RYR2: variants seen among roughly 807,000 people sequenced by gnomAD.
RYR2 encodes cardiac muscle ryanodine receptor-calcium release channel.
RYR2 carries 227 observed loss-of-function variants against 601.1 expected under a neutral mutation model. The ratio of observed to expected loss-of-function variants is 0.38; its 90% CI spans 0.34 to 0.42. The LOEUF (loss-of-function observed/expected upper bound fraction) is 0.42, where lower values mean the gene tolerates loss of function less well. Among genes scored for constraint, RYR2 ranks in the 10% least tolerant of loss-of-function variants. The probability of loss-of-function intolerance (pLI) is 1.00; values close to 1 mark genes in which losing one functional copy is unlikely to be tolerated. For missense variants in RYR2, 4,646 were observed against 6,156.5 expected (o/e 0.75, Z 8.21); for synonymous variants, 2,223 against 2,175.1 (o/e 1.02, Z -0.61).
chr1:237,098,078 C>T (rs561317029), intron 1 of RYR2, among the ~76,000 whole-genome samples: 34 of 152,052 alleles, frequency 2.2e-4, no homozygotes, highest in Admixed American at 5.9e-4. Context: ...ATTAATTTCC[C>T]GTAGGAATGG....
At chr1:237,750,676 AT>A (rs969590168) in intron 80 of RYR2, among the ~76,000 whole-genome samples, 3 of 151,748 alleles carry the variant, frequency 2.0e-5, no homozygotes, top group African/African-American at 7.3e-5. Context: ...ATTCAATAGC[AT>A]TTTTTTCCCC....
chr1:237,162,288 T>C (rs1277049063), intron 1 of RYR2, among the ~76,000 whole-genome samples: 3 of 152,140 alleles, frequency 2.0e-5, no homozygotes, highest in Non-Finnish European at 4.4e-5. Flanking sequence ...CTTTATACAG[T>C]ATGTGAATGT....
intron 71 of RYR2, among the ~76,000 whole-genome samples, chr1:237,716,506 A>G (rs1689278099): frequency 1.3e-5 from 2 of 152,162 alleles, no homozygotes; most frequent in South Asian, 4.1e-4. Context: ...CCCAGTGAAA[A>G]TTAGATTCTG....
At position 237,073,818 on chromosome 1, in the gene RYR2, C is replaced by T. The variant is rs574254247; in HGVS notation, c.48+31249C>T. ...CTTGGGAGGCAGAGGCTGCAGTGAG[C>T]CAAGCTCATACCACTGTACTCCAGC... On this transcript the variant is annotated intron_variant, in intron 1 of 104. Transcript: ENST00000366574. 2.7e-5 allele frequency among the ~76,000 whole-genome samples: 4 copies of T among 147,210 alleles called. No homozygotes were observed. The East Asian group carries it at 8.0e-4, about 29-fold the overall frequency.
At chr1:237,581,271 T>G (rs1461650587) in intron 29 of RYR2, among the ~76,000 whole-genome samples, 1 of 152,198 alleles carries the variant, frequency 6.6e-6, no homozygotes, top group African/African-American at 2.4e-5. Context: ...TCTCAGCTAT[T>G]CTGCAAGTAA....
intron 1 of RYR2, among the ~76,000 whole-genome samples, chr1:237,050,019 T>C (rs1244980064): frequency 6.6e-6 from 1 of 152,134 alleles, no homozygotes; most frequent in Non-Finnish European, 1.5e-5. Context: ...TTGCAAAAGT[T>C]CTGTAGTGGT....
At chr1:237,296,871 T>G (rs1692832327) in intron 2 of RYR2, among the ~76,000 whole-genome samples, 1 of 152,234 alleles carries the variant, frequency 6.6e-6, no homozygotes, top group Non-Finnish European at 1.5e-5. Flanking sequence ...CTTGGAATCC[T>G]TATTGTCTAA....
chr1:237,731,198 G>A (rs925479705), intron 77 of RYR2, among the ~76,000 whole-genome samples: 26 of 152,040 alleles, frequency 1.7e-4, no homozygotes, highest in African/African-American at 6.3e-4. Flanking sequence ...CCACATTAAG[G>A]CTTAATTACA....
At chr1:237,418,625 T>C (rs960506636) in intron 11 of RYR2, among the ~76,000 whole-genome samples, 4 of 152,212 alleles carry the variant, frequency 2.6e-5, no homozygotes, top group Non-Finnish European at 2.9e-5. Context: ...AGTAATGCTG[T>C]GGTTTAATAC....
chr1:237,098,587 A>G (rs1352626632), intron 1 of RYR2, among the ~76,000 whole-genome samples: 5 of 152,204 alleles, frequency 3.3e-5, no homozygotes, highest in Non-Finnish European at 7.3e-5. Context: ...CAGTGGAATA[A>G]TATTCAGCCT....
intron 1 of RYR2, among the ~76,000 whole-genome samples, chr1:237,107,332 T>A (rs1417878393): frequency 1.3e-5 from 2 of 151,164 alleles, no homozygotes; most frequent in Non-Finnish European, 1.5e-5. Context: ...CCATCCTGGC[T>A]AACACGGTGA....
In RYR2 at chr1:237,757,687, T is replaced by A; in HGVS notation, c.11246-10T>A. 6.3e-7 allele frequency: 1 copy of A among 1,583,158 alleles called. No individual in the cohort carries two copies. The highest frequency in any genetic ancestry group is 8.7e-7 in the Non-Finnish European group (1 of 1,152,126). The stretch of plus-strand genomic sequence containing the variant: ...TGATATAAGGAACACTACTTTTTTA[T>A]ATTTCTTAGGTGAAACTGGACCAAT... On this transcript the variant is annotated splice_polypyrimidine_tract_variant and intron_variant, in intron 81 of 104. Coordinates refer to ENST00000366574, the MANE Select transcript of RYR2 (RefSeq NM_001035.3).
chr1:237,191,151 C>G (rs956553854), intron 1 of RYR2, among the ~76,000 whole-genome samples: 1 of 152,124 alleles, frequency 6.6e-6, no homozygotes, highest in African/African-American at 2.4e-5. Flanking sequence ...TTTCCCAGCA[C>G]CATTTTGTTG....
chr1:237,824,345 C>A (rs1036406835), intron 101 of RYR2, among the ~76,000 whole-genome samples: 1 of 152,212 alleles, frequency 6.6e-6, no homozygotes, highest in Non-Finnish European at 1.5e-5. Context: ...AAGTAGGCTT[C>A]ATCCCTGGGA....
intron 2 of RYR2, among the ~76,000 whole-genome samples, chr1:237,313,513 GAAA>G (rs1270895798): frequency 6.6e-6 from 1 of 152,196 alleles, no homozygotes; most frequent in African/African-American, 2.4e-5. Context: ...AAGGAATGTA[GAAA>G]GCCTTTAGAA....
intron 1 of RYR2, among the ~76,000 whole-genome samples, chr1:237,214,674 T>G (rs542595048): frequency 6.6e-6 from 1 of 152,346 alleles, no homozygotes; most frequent in East Asian, 1.9e-4. Flanking sequence ...AACTATATCA[T>G]ATATATTTCA....
intron 1 of RYR2, among the ~76,000 whole-genome samples, chr1:237,095,284 A>T (rs7529190): frequency 0.38 from 57,573 of 152,026 alleles, 11,844 homozygotes; most frequent in Middle Eastern, 0.46. Flanking sequence ...TGGGTACCGT[A>T]CATTTCTAGT....
Position 237,456,682 on chromosome 1 carries a change from G to A in RYR2, c.1559G>A (p.Arg520Gln), listed in dbSNP as rs564957172. ...SAAHFADVAG[R>Q]EAGESWKSIL... ...GCACACTTTGCTGATGTTGCTGGGC[G>A]AGAAGCAGGAGAGTCTTGGAAATCC... The change falls in exon 16 of 105, where the codon CGA (arginine) becomes CAA (glutamine). Residue 520 changes from arginine to glutamine, a missense_variant. Coordinates refer to ENST00000366574, the MANE Select transcript of RYR2 (RefSeq NM_001035.3). 3.1e-6 allele frequency: 5 copies of A among 1,613,606 alleles called. No homozygotes were observed. The highest frequency in any genetic ancestry group is 2.2e-5 in the East Asian group (1 of 44,858).
chr1:237,332,486 A>G (rs996048790), intron 3 of RYR2, among the ~76,000 whole-genome samples: 1 of 152,136 alleles, frequency 6.6e-6, no homozygotes, highest in Non-Finnish European at 1.5e-5. Context: ...CTTCTCAGTT[A>G]TGCTTAAGTT....
Sources: gnomAD v4.1 joint callset for allele counts (sites outside exome capture counted in the v4.1 genomes callset) on GRCh38, gnomAD v4.1.1 for gene constraint, MANE v1.5 for transcripts, NCBI Gene and HGNC (gene_info 2026-07-23, HGNC 2026-07-21) for gene names.